MRPL42: variants seen among roughly 807,000 people sequenced by gnomAD.
The protein encoded by MRPL42 is mitochondrial ribosomal protein L42.
Under a neutral mutation model 17.9 loss-of-function variants are expected in MRPL42, and 17 were observed. The observed-to-expected ratio is 0.95, with a 90% confidence interval of 0.65 to 1.42. The LOEUF (loss-of-function observed/expected upper bound fraction) is 1.42, where lower values mean the gene tolerates loss of function less well. Among genes scored for constraint, MRPL42 ranks in the 40% most tolerant of loss-of-function variants. The pLI is 0.00. For synonymous variants in MRPL42, 59 were observed against 54.4 expected, an observed-to-expected ratio of 1.08 and a Z score of -0.37; for missense variants, 177 against 175.2, an observed-to-expected ratio of 1.01 and a Z score of -0.06.
chr12:93,482,579 A>G (rs978743420), intron 4 of MRPL42, among the ~76,000 whole-genome samples: 1 of 152,178 alleles, frequency 6.6e-6, no homozygotes, highest in African/African-American at 2.4e-5. Flanking sequence ...ATCAGAAAGC[A>G]TGGAAAGTTT....
chr12:93,487,925 T>C (rs2121235510), intron 5 of MRPL42: 1 of 316,324 alleles, frequency 3.2e-6, no homozygotes, highest in Non-Finnish European at 5.7e-6. Flanking sequence ...GCCTTCCGAG[T>C]AGCTAGTACT....
intron 3 of MRPL42, among the ~76,000 whole-genome samples, chr12:93,477,932 G>A (rs112058022): frequency 6.6e-6 from 1 of 151,828 alleles, no homozygotes; most frequent in Non-Finnish European, 1.5e-5. Context: ...CAAAATGCTG[G>A]AATTACAGGC....
chr12:93,470,035 G>A (rs993422453), intron 2 of MRPL42, among the ~76,000 whole-genome samples: 5 of 150,834 alleles, frequency 3.3e-5, no homozygotes, highest in Admixed American at 6.6e-5. Flanking sequence ...GTGCAGTGGC[G>A]TGATTACTTT....
intron 5 of MRPL42, chr12:93,488,309 T>G (rs34002806): frequency 2.5e-6 from 1 of 398,518 alleles, no homozygotes; most frequent in Non-Finnish European, 4.4e-6. Context: ...TCACTCACTG[T>G]GTTGCGCAGG....
intron 2 of MRPL42, among the ~76,000 whole-genome samples, chr12:93,471,383 C>T (rs906021658): frequency 6.6e-6 from 1 of 151,996 alleles, no homozygotes; most frequent in Non-Finnish European, 1.5e-5. Context: ...AGGCTGGTCT[C>T]GAACTCCCAA....
chr12:93,512,724 C>T lies in MRPL42; in HGVS notation c.*11503C>T, dbSNP rs1235406744. 6.6e-6 allele frequency: 1 copy of T among 152,190 alleles called. No individual in the cohort carries two copies. Among genetic ancestry groups the T allele is most frequent in the African/African-American group, 2.4e-5 (1 of 41,442 alleles). 9.4% of individuals were successfully genotyped at this position (152,190 alleles called of 1,614,324 possible). A position where few individuals can be genotyped will look rare whatever the true frequency, so the allele number is the denominator to read the frequency against. The stretch of plus-strand genomic sequence containing the variant: ...TGGTGATTGTCTTGATATTGCACAT[C>T]TGTAAGAAGTAATCAAACTATTGTG... On this transcript the variant is annotated 3_prime_UTR_variant, in exon 6 of 6. Coordinates refer to ENST00000549982, the MANE Select transcript of MRPL42 (RefSeq NM_014050.4).
intron 2 of MRPL42, among the ~76,000 whole-genome samples, chr12:93,474,733 A>G (rs1306185656): frequency 6.6e-6 from 1 of 152,128 alleles, no homozygotes; most frequent in Admixed American, 6.6e-5. Context: ...CTAGCTTTAT[A>G]AACTTCTTTT....
intron 5 of MRPL42, among the ~76,000 whole-genome samples, chr12:93,499,366 A>C (rs1311835004): frequency 5.9e-5 from 9 of 151,938 alleles, no homozygotes; most frequent in Non-Finnish European, 1.2e-4. Context: ...CTTTTAATGG[A>C]TAGTTCTTAG....
At chr12:93,495,786 T>C (rs1953489570) in intron 5 of MRPL42, among the ~76,000 whole-genome samples, 1 of 152,158 alleles carries the variant, frequency 6.6e-6, no homozygotes, top group Non-Finnish European at 1.5e-5. Context: ...TTAACCCACC[T>C]GTGACCCACC....
chr12:93,497,176 C>CCAA (rs879871534), intron 5 of MRPL42, among the ~76,000 whole-genome samples: 4 of 152,002 alleles, frequency 2.6e-5, no homozygotes, highest in Non-Finnish European at 5.9e-5. Flanking sequence ...TACTATTCCC[C>CCAA]CAACAACAAC....
rs1184446308 is a variant in MRPL42 at position 93,506,423 on chromosome 12, GT to G, written c.*5203del. 6.6e-6 allele frequency: 1 copy of G among 151,630 alleles called. No individual in the cohort carries two copies. The highest frequency in any genetic ancestry group is 2.4e-5 in the African/African-American group (1 of 41,164). 9.4% of individuals were successfully genotyped at this position (151,630 alleles called of 1,614,324 possible). A position where few individuals can be genotyped will look rare whatever the true frequency, so the allele number is the denominator to read the frequency against. On this transcript the variant is annotated 3_prime_UTR_variant, in exon 6 of 6. Coordinates refer to ENST00000549982, the MANE Select transcript of MRPL42 (RefSeq NM_014050.4). The stretch of plus-strand genomic sequence containing the variant: ...TGGGACTATAGGCATGCAACACCAT[GT>G]CCGGCTAATTTTTTGTATTTAGTAG...
At chr12:93,483,826 G>A (rs1880580388) in intron 4 of MRPL42, among the ~76,000 whole-genome samples, 1 of 151,954 alleles carries the variant, frequency 6.6e-6, no homozygotes, top group Non-Finnish European at 1.5e-5. Context: ...TTACTCTTTT[G>A]TAATAACACT....
At chr12:93,479,270 GCC>G in intron 3 of MRPL42, 116 bp from the exon 4 acceptor site, 1 of 474,400 alleles carries the variant, frequency 2.1e-6, no homozygotes, top group Non-Finnish European at 3.5e-6. Flanking sequence ...AGGCTGGAGT[GCC>G]CACTGCACTC....
rs576441076 is a variant in MRPL42 at position 93,500,526 on chromosome 12, T to C, written c.384-650T>C. Among the ~76,000 whole-genome samples, 4 of 152,310 alleles carry C rather than the reference T, an allele frequency of 2.6e-5. No homozygotes were observed. In the South Asian group the frequency reaches 8.3e-4, roughly 32 times the overall value. On this transcript the variant is annotated intron_variant, in intron 5 of 5. Coordinates refer to ENST00000549982, the MANE Select transcript of MRPL42 (RefSeq NM_014050.4). ...CATTTTTCCACAGACATATTACTAG[T>C]TTTATTTTATATTAAAACATGATTT...
At chr12:93,487,892 G>T in intron 5 of MRPL42, 1 of 383,048 alleles carries the variant, frequency 2.6e-6, no homozygotes, top group East Asian at 4.7e-5. Flanking sequence ...AACCTCCAGT[G>T]CTCAAGTGAT....
In MRPL42 at chr12:93,502,465, T is replaced by C. The variant is rs1953609833; in HGVS notation, c.*1244T>C. 1 of 152,210 alleles carries C rather than the reference T, an allele frequency of 6.6e-6. No homozygotes were observed. The highest frequency in any genetic ancestry group is 1.5e-5 in the Non-Finnish European group (1 of 68,034). The allele number at this position is 152,210 out of a possible 1,614,324, so 9.4% of individuals were successfully genotyped here. A position where few individuals can be genotyped will look rare whatever the true frequency, so the allele number is the denominator to read the frequency against. Reference sequence around the variant, plus strand: ...AAATAATTTCTCAAAGTCTATTGTTTGATCTAGTTATTTTAATAAAGGAAC... The same window carrying C: ...AAATAATTTCTCAAAGTCTATTGTTCGATCTAGTTATTTTAATAAAGGAAC... On this transcript the variant is annotated 3_prime_UTR_variant, in exon 6 of 6. Coordinates refer to ENST00000549982, the MANE Select transcript of MRPL42 (RefSeq NM_014050.4).
Position 93,502,464 on chromosome 12 carries a change from T to G in MRPL42, c.*1243T>G, listed in dbSNP as rs1953609795. ...AAAATAATTTCTCAAAGTCTATTGT[T>G]TGATCTAGTTATTTTAATAAAGGAA... On this transcript the variant is annotated 3_prime_UTR_variant, in exon 6 of 6. Transcript: ENST00000549982. 6.6e-6 allele frequency: 1 copy of G among 152,214 alleles called. No homozygotes were observed. The highest frequency in any genetic ancestry group is 2.1e-4 in the South Asian group (1 of 4,834). The allele number at this position is 152,214 out of a possible 1,614,324, so 9.4% of individuals were successfully genotyped here.
intron 4 of MRPL42, among the ~76,000 whole-genome samples, chr12:93,484,977 CACATATATATATAT>C (rs1880647138): frequency 3.5e-5 from 1 of 28,592 alleles, no homozygotes; most frequent in African/African-American, 9.4e-5. Flanking sequence ...CACACACACA[CACATATATATATAT>C]ATATATATAT....
chr12:93,509,181 C>T lies in MRPL42; in HGVS notation c.*7960C>T, dbSNP rs533631559. ...CCAGTCTGGGTGATAAAACGAGATTCCGTCTCAAAAAAAAAAAAAAAACTG... is the reference window on the plus strand; with the variant it reads ...CCAGTCTGGGTGATAAAACGAGATTTCGTCTCAAAAAAAAAAAAAAAACTG... On this transcript the variant is annotated 3_prime_UTR_variant, in exon 6 of 6. Coordinates refer to ENST00000549982, the MANE Select transcript of MRPL42 (RefSeq NM_014050.4). 267 of 91,994 alleles carry T rather than the reference C, an allele frequency of 2.9e-3. No homozygotes were observed. Among genetic ancestry groups the T allele is most frequent in the African/African-American group, 0.011 (250 of 23,532 alleles). 5.7% of individuals were successfully genotyped at this position (91,994 alleles called of 1,614,324 possible).
Sources: allele counts gnomAD v4.1 joint callset (sites outside exome capture counted in the v4.1 genomes callset), GRCh38; gene constraint gnomAD v4.1.1; transcripts MANE v1.5; gene names NCBI Gene and HGNC (gene_info 2026-07-23, HGNC 2026-07-21).